WDHD1: variants seen among roughly 807,000 people sequenced by gnomAD.
WDHD1 encodes the protein WD repeat and HMG-box DNA binding protein 1, also known as WD repeat and HMG-box DNA-binding protein 1.
A neutral mutation model predicts 135.4 loss-of-function variants in WDHD1; 111 were observed. The observed-to-expected ratio is 0.82, with a 90% CI of 0.70 to 0.96. The LOEUF is 0.96. WDHD1 is among the 40% of genes least tolerant of loss of function. The pLI is 0.00. For synonymous variants in WDHD1, 434 were observed against 439.0 expected (o/e 0.99, Z 0.14); for missense variants, 1,351 against 1,336.3 (o/e 1.01, Z -0.17).
Position 54,967,378 on chromosome 14 carries a change from C to T in WDHD1, c.2080G>A (p.Gly694Ser). The T allele has an allele frequency of 1.3e-5, 21 of 1,610,402 alleles. No homozygotes were observed. Among genetic ancestry groups the T allele is most frequent in the Non-Finnish European group, 1.8e-5 (21 of 1,178,132 alleles). ...PQQLRCIPCK[G>S]SRFPPTLPRP... ...GGAAGGGTTGGGGGAAACCGAGAAC[C>T]TTTACAAGGAATGCACCTGTTAGTA... Residue 694 changes from glycine to serine, a missense_variant, in exon 17 of 26, where the codon GGT becomes AGT. Coordinates refer to ENST00000360586, the MANE Select transcript of WDHD1 (RefSeq NM_007086.4).
intron 2 of WDHD1, among the ~76,000 whole-genome samples, chr14:55,023,793 T>C (rs188944988): frequency 3.3e-5 from 5 of 152,332 alleles, no homozygotes; most frequent in Admixed American, 3.3e-4. Context: ...GGCTATGAAA[T>C]TATTACAGTA....
intron 12 of WDHD1, among the ~76,000 whole-genome samples, chr14:54,989,609 T>A (rs1266810310): frequency 1.3e-5 from 2 of 152,156 alleles, no homozygotes; most frequent in Non-Finnish European, 2.9e-5. Flanking sequence ...AACAACAGAC[T>A]TTTTTCCTAA....
At chr14:55,005,681 T>C (rs561648363) in intron 7 of WDHD1, 7 of 508,310 alleles carry the variant, frequency 1.4e-5, no homozygotes, top group Admixed American at 2.6e-5. Flanking sequence ...ATAGAGGTTC[T>C]AGACATTGTG....
chr14:54,982,069 C>T (rs970608012), intron 15 of WDHD1, among the ~76,000 whole-genome samples: 1 of 151,592 alleles, frequency 6.6e-6, no homozygotes, highest in South Asian at 2.1e-4. Context: ...GGCAGTGGCG[C>T]GATCTCGGCC....
In WDHD1 at chr14:54,962,419, G is replaced by A. The variant is rs116442480; in HGVS notation, c.2701+79C>T. 1.1e-3 allele frequency: 1,155 copies of A among 1,054,190 alleles called. 6 individuals carry two copies. In the African/African-American group the frequency reaches 0.016, roughly 15 times the overall value. 65.3% of individuals were successfully genotyped at this position (1,054,190 alleles called of 1,614,324 possible). ...ACCAAAAGTGGCCTTAAGAGTTAAG[G>A]TGTATTTGCGTAGATGTGTCACTTT... On this transcript the variant is annotated intron_variant, in intron 21 of 25. Transcript: ENST00000360586.
chr14:54,985,228 A>G (rs1490380836), intron 14 of WDHD1, among the ~76,000 whole-genome samples: 1 of 152,234 alleles, frequency 6.6e-6, no homozygotes, highest in East Asian at 1.9e-4. Flanking sequence ...CAAAAAAATT[A>G]TCACAAAGTT....
At chr14:55,018,254 T>C (rs1444550457) in intron 2 of WDHD1, among the ~76,000 whole-genome samples, 1 of 152,200 alleles carries the variant, frequency 6.6e-6, no homozygotes, top group Non-Finnish European at 1.5e-5. Context: ...CTTAAGCTTT[T>C]GAAGCTTTTA....
At chr14:54,944,261 A>T in intron 25 of WDHD1, 71 bp downstream of exon 25, 1 of 1,580,738 alleles carries the variant, frequency 6.3e-7, no homozygotes, top group East Asian at 2.3e-5. Flanking sequence ...CCCAGCCAAA[A>T]GGCATTTCTA....
chr14:54,947,849 C>T (rs1169497323), intron 24 of WDHD1, among the ~76,000 whole-genome samples: 1 of 151,936 alleles, frequency 6.6e-6, no homozygotes. Flanking sequence ...ACCTCAGCCT[C>T]CCAAAGTGCT....
intron 10 of WDHD1, 107 bp from the exon 11 acceptor site, chr14:54,995,920 C>T: frequency 1.3e-6 from 1 of 779,398 alleles, no homozygotes; most frequent in South Asian, 2.2e-5. Context: ...TACCAAGCAG[C>T]AAACTCACTG....
intron 25 of WDHD1, among the ~76,000 whole-genome samples, chr14:54,943,552 C>G (rs2040871535): frequency 1.3e-5 from 2 of 152,002 alleles, no homozygotes; most frequent in Non-Finnish European, 1.5e-5. Context: ...GTGTGTGCCA[C>G]CATGCCAGGC....
Position 54,991,290 on chromosome 14 carries a change from C to A in WDHD1, c.1264G>T (p.Asp422Tyr). The change falls in exon 12 of 26, where the codon GAT (aspartate) becomes TAT (tyrosine). Residue 422 changes from aspartate (D) to tyrosine (Y), a missense_variant. By Grantham distance (160) the Asp-to-Tyr change is radical (BLOSUM62 -3). Coordinates refer to ENST00000360586, the MANE Select transcript of WDHD1 (RefSeq NM_007086.4). ...TGCCGGGGAGTTGGCATGGGTCCAT[C>A]ATAAAATGGCCTTTGGGATGTTACA... is the stretch of plus-strand genomic sequence containing the variant. ...PLVTSQRPFYDGPMPTPRQKP... is the reference protein window; with the variant it reads ...PLVTSQRPFYYGPMPTPRQKP... 2.5e-6 allele frequency: 4 copies of A among 1,613,892 alleles called. No homozygotes were observed. The highest frequency in any genetic ancestry group is 3.4e-6 in the Non-Finnish European group (4 of 1,179,806).
intron 24 of WDHD1, among the ~76,000 whole-genome samples, chr14:54,954,453 A>G (rs532196743): frequency 1.6e-3 from 241 of 152,352 alleles, no homozygotes; most frequent in Middle Eastern, 6.8e-3. Context: ...CATTGGAATT[A>G]TAAGTGCAGA....
chr14:55,027,080 T>C lies in WDHD1; in HGVS notation c.-69A>G. ...GATCCACAAGAGCTGCTTCCCGCGC[T>C]TCGGCTCGCTCACCACACTGCGCCT... On this transcript the variant is annotated 5_prime_UTR_variant, in exon 1 of 26. Transcript: ENST00000360586. The C allele has an allele frequency of 2.6e-6, 1 of 391,032 alleles. No individual in the cohort carries two copies. The highest frequency in any genetic ancestry group is 4.8e-6 in the Non-Finnish European group (1 of 207,280). The allele number at this position is 391,032 out of a possible 1,614,324, so 24.2% of individuals were successfully genotyped here. A position where few individuals can be genotyped will look rare whatever the true frequency, so the allele number is the denominator to read the frequency against.
chr14:54,995,887 T>C (rs2041870909), intron 10 of WDHD1, 74 bp from the exon 11 acceptor site: 1 of 1,181,358 alleles, frequency 8.5e-7, no homozygotes, highest in Non-Finnish European at 1.1e-6. Context: ...AAAGGTAAAC[T>C]TTTAATATGC....
intron 13 of WDHD1, among the ~76,000 whole-genome samples, 184 bp downstream of exon 13, chr14:54,988,844 C>A (rs1474084820): frequency 6.6e-6 from 1 of 151,770 alleles, no homozygotes; most frequent in African/African-American, 2.4e-5. Context: ...ATGAGGGAAT[C>A]ATTATGGCAA....
intron 2 of WDHD1, among the ~76,000 whole-genome samples, chr14:55,020,612 A>C (rs1436392979): frequency 6.6e-6 from 1 of 152,190 alleles, no homozygotes; most frequent in Non-Finnish European, 1.5e-5. Flanking sequence ...TATAAGGACA[A>C]TTCTCACATT....
At chr14:54,987,835 C>A (rs537740823) in intron 13 of WDHD1, among the ~76,000 whole-genome samples, 7 of 152,254 alleles carry the variant, frequency 4.6e-5, no homozygotes, top group African/African-American at 1.7e-4. Context: ...CCATGTTGGT[C>A]AGGCTGGTCT....
chr14:55,003,583 C>T (rs907929555), intron 7 of WDHD1, among the ~76,000 whole-genome samples: 1 of 105,322 alleles, frequency 9.5e-6, no homozygotes, highest in Admixed American at 8.8e-5. Context: ...GAAAGAAAAA[C>T]GAACTATATA....
Sources: gnomAD v4.1 joint callset for allele counts (sites outside exome capture counted in the v4.1 genomes callset) on GRCh38, gnomAD v4.1.1 for gene constraint, MANE v1.5 for transcripts, NCBI Gene and HGNC (gene_info 2026-07-23, HGNC 2026-07-21) for gene names.